IQCM: variants seen among roughly 807,000 people sequenced by gnomAD.
IQCM encodes IQ domain-containing protein M.
A neutral mutation model predicts 57.6 loss-of-function variants in IQCM; 45 were observed. The observed-to-expected ratio is 0.78, with a 90% CI of 0.62 to 1.00. The LOEUF is 1.00. Among genes scored for constraint, IQCM ranks in the 50% least tolerant of loss-of-function variants. The pLI is 0.00. For missense variants in IQCM, 468 were observed against 511.6 expected, an observed-to-expected ratio of 0.91 and a Z score of 0.82; for synonymous variants, 148 against 158.9, an observed-to-expected ratio of 0.93 and a Z score of 0.51.
At chr4:149,572,019 G>T (rs1751207197) in intron 9 of IQCM, among the ~76,000 whole-genome samples, 1 of 151,976 alleles carries the variant, frequency 6.6e-6, no homozygotes, top group African/African-American at 2.4e-5. Context: ...AATCTCTAGA[G>T]CTCCCCTTCT....
chr4:149,443,982 T>G (rs1736240793), intron 12 of IQCM, among the ~76,000 whole-genome samples: 1 of 151,926 alleles, frequency 6.6e-6, no homozygotes, highest in Non-Finnish European at 1.5e-5. Context: ...CAGGAACTAC[T>G]TTAAGTTCCT....
chr4:149,357,309 T>A (rs549774079), intron 13 of IQCM, among the ~76,000 whole-genome samples: 29 of 152,336 alleles, frequency 1.9e-4, no homozygotes, highest in African/African-American at 6.3e-4. Flanking sequence ...AGAGAGGGCA[T>A]CCCTGTCTTG....
chr4:149,695,569 A>G (rs1561167361), intron 5 of IQCM, among the ~76,000 whole-genome samples: 1 of 152,194 alleles, frequency 6.6e-6, no homozygotes, highest in African/African-American at 2.4e-5. Context: ...ACAGACAGCA[A>G]TGAAATGATC....
At chr4:149,444,612 T>C (rs1736305695) in intron 12 of IQCM, among the ~76,000 whole-genome samples, 1 of 151,802 alleles carries the variant, frequency 6.6e-6, no homozygotes, top group African/African-American at 2.4e-5. Flanking sequence ...TAAAGAAAAT[T>C]GGAGACCAGC....
chr4:149,419,803 C>CA (rs941918533), intron 13 of IQCM, among the ~76,000 whole-genome samples: 2 of 151,938 alleles, frequency 1.3e-5, no homozygotes, highest in South Asian at 2.1e-4. Context: ...AAGGAAAAAA[C>CA]AAAAAACCCT....
chr4:149,515,395 CA>C (rs1744852319), intron 12 of IQCM, among the ~76,000 whole-genome samples: 1 of 152,112 alleles, frequency 6.6e-6, no homozygotes, highest in Non-Finnish European at 1.5e-5. Flanking sequence ...TGGGCTTGAG[CA>C]GGTCCTGAAG....
chr4:149,586,747 C>T (rs1162374172), intron 9 of IQCM, among the ~76,000 whole-genome samples: 1 of 151,706 alleles, frequency 6.6e-6, no homozygotes, highest in East Asian at 1.9e-4. Flanking sequence ...GTAGAATTTT[C>T]ATTTGATTCT....
intron 2 of IQCM, among the ~76,000 whole-genome samples, chr4:149,775,572 T>C (rs560854120): frequency 6.6e-6 from 1 of 151,890 alleles, no homozygotes; most frequent in Admixed American, 6.6e-5. Flanking sequence ...TCACTTGGTA[T>C]TGCACAGGGC....
intron 8 of IQCM, among the ~76,000 whole-genome samples, chr4:149,604,119 A>G (rs1754566798): frequency 6.6e-6 from 1 of 152,164 alleles, no homozygotes; most frequent in Admixed American, 6.5e-5. Context: ...ACCTAAGCTG[A>G]CCAACACAAG....
intron 12 of IQCM, among the ~76,000 whole-genome samples, chr4:149,521,718 A>C (rs1356884220): frequency 1.3e-5 from 2 of 152,264 alleles, no homozygotes; most frequent in Non-Finnish European, 2.9e-5. Context: ...ACATGAATTT[A>C]ATAGTATCTC....
intron 5 of IQCM, among the ~76,000 whole-genome samples, chr4:149,687,776 G>T (rs1236377555): frequency 1.3e-5 from 2 of 151,858 alleles, no homozygotes; most frequent in African/African-American, 4.8e-5. Flanking sequence ...TCATACCAGG[G>T]ATGCAGGGAT....
chr4:149,398,802 G>A (rs1024882316), intron 13 of IQCM, among the ~76,000 whole-genome samples: 1 of 152,036 alleles, frequency 6.6e-6, no homozygotes, highest in Non-Finnish European at 1.5e-5. Flanking sequence ...AAACTCCAGG[G>A]CTCAAGTGAT....
At chr4:149,719,129 G>A (rs2149849298) in intron 5 of IQCM, among the ~76,000 whole-genome samples, 1 of 152,162 alleles carries the variant, frequency 6.6e-6, no homozygotes, top group East Asian at 1.9e-4. Context: ...CAGATCACCT[G>A]AGGTCAGGAG....
At chr4:149,701,653 G>A (rs1763781950) in intron 5 of IQCM, among the ~76,000 whole-genome samples, 1 of 151,808 alleles carries the variant, frequency 6.6e-6, no homozygotes, top group Non-Finnish European at 1.5e-5. Flanking sequence ...GTCACTTTGA[G>A]GTTTGAAATG....
intron 12 of IQCM, among the ~76,000 whole-genome samples, chr4:149,519,162 G>A (rs533738096): frequency 6.6e-6 from 1 of 152,264 alleles, no homozygotes; most frequent in African/African-American, 2.4e-5. Context: ...AGAGCAGCTT[G>A]ATGTTATATA....
chr4:149,608,184 G>C (rs796812720), intron 8 of IQCM, among the ~76,000 whole-genome samples: 34 of 151,988 alleles, frequency 2.2e-4, no homozygotes, highest in South Asian at 4.1e-4. Context: ...ATTATATAAT[G>C]GTAGAGGAGA....
At chr4:149,672,193 T>C (rs1429413297) in intron 7 of IQCM, among the ~76,000 whole-genome samples, 1 of 151,998 alleles carries the variant, frequency 6.6e-6, no homozygotes, top group Non-Finnish European at 1.5e-5. Flanking sequence ...AGGCTGAAAA[T>C]TCTAAAAATC....
intron 12 of IQCM, among the ~76,000 whole-genome samples, chr4:149,473,974 G>A (rs191703212): frequency 1.5e-4 from 23 of 152,210 alleles, no homozygotes; most frequent in Middle Eastern, 3.4e-3. Flanking sequence ...AGGGTCTGTC[G>A]TGGTGTCGGG....
intron 9 of IQCM, among the ~76,000 whole-genome samples, chr4:149,565,103 C>T (rs1750488785): frequency 6.6e-6 from 1 of 152,054 alleles, no homozygotes. Flanking sequence ...TCTGCCCTCT[C>T]ACAAATGGAG....
Sources: gnomAD v4.1 joint callset for allele counts (sites outside exome capture counted in the v4.1 genomes callset) on GRCh38, gnomAD v4.1.1 for gene constraint, MANE v1.5 for transcripts, NCBI Gene and HGNC (gene_info 2026-07-23, HGNC 2026-07-21) for gene names.